FAM117B: variants seen among roughly 807,000 people sequenced by gnomAD.
FAM117B encodes the protein family with sequence similarity 117 member B, also known as protein FAM117B.
FAM117B carries 22 observed loss-of-function variants against 52.8 expected under a neutral mutation model. That is an observed-to-expected ratio of 0.42 (90% CI 0.30 to 0.59). The LOEUF (loss-of-function observed/expected upper bound fraction) is 0.59, where lower values mean the gene tolerates loss of function less well. FAM117B is among the 20% of genes least tolerant of loss of function. FAM117B has a pLI of 0.22. For synonymous variants in FAM117B, 309 were observed against 324.1 expected (o/e 0.95, Z 0.50); for missense variants, 678 against 802.6 (o/e 0.84, Z 1.88).
chr2:202,639,549 T>C (rs981082589), intron 1 of FAM117B, among the ~76,000 whole-genome samples: 1 of 152,212 alleles, frequency 6.6e-6, no homozygotes, highest in African/African-American at 2.4e-5. Context: ...ATTTTACTTA[T>C]TAAAATGTCA....
intron 4 of FAM117B, among the ~76,000 whole-genome samples, chr2:202,727,890 G>A (rs1163611453): frequency 6.6e-6 from 1 of 152,208 alleles, no homozygotes; most frequent in Non-Finnish European, 1.5e-5. Flanking sequence ...GCAATGGAAA[G>A]TATGGGTAAA....
chr2:202,743,608 A>G (rs144148006), intron 4 of FAM117B, among the ~76,000 whole-genome samples: 161 of 145,552 alleles, frequency 1.1e-3, no homozygotes, highest in African/African-American at 3.7e-3. Flanking sequence ...AAGAAACTCA[A>G]TGACATACAA....
rs75456597 is a variant in FAM117B at position 202,766,180 on chromosome 2, A to T, written c.*416A>T. ...TGCAAGAACCATCTTTTCTATGAAAATGACTATTTTATAATATACCAATGT... is the reference window on the plus strand; with the variant it reads ...TGCAAGAACCATCTTTTCTATGAAATTGACTATTTTATAATATACCAATGT... On this transcript the variant is annotated 3_prime_UTR_variant, in exon 8 of 8. Transcript: ENST00000392238. The T allele has an allele frequency of 8.3e-3, 1,316 of 159,348 alleles. 10 individuals are homozygous for T. The highest frequency in any genetic ancestry group is 0.012 in the Non-Finnish European group (905 of 72,636). 9.9% of individuals were successfully genotyped at this position (159,348 alleles called of 1,614,324 possible). A position where few individuals can be genotyped will look rare whatever the true frequency, so the allele number is the denominator to read the frequency against.
At chr2:202,704,753 G>T (rs1040144932) in intron 2 of FAM117B, among the ~76,000 whole-genome samples, 10 of 151,652 alleles carry the variant, frequency 6.6e-5, no homozygotes, top group African/African-American at 2.2e-4. Context: ...CACCATGCCC[G>T]GCTAATATAT....
At chr2:202,730,801 G>A (rs189800870) in intron 4 of FAM117B, among the ~76,000 whole-genome samples, 102 of 152,312 alleles carry the variant, frequency 6.7e-4, no homozygotes, top group African/African-American at 2.3e-3. Flanking sequence ...ACAGCTCTTA[G>A]AAGAAAATGT....
At chr2:202,731,728 C>T (rs933725856) in intron 4 of FAM117B, among the ~76,000 whole-genome samples, 3 of 151,822 alleles carry the variant, frequency 2.0e-5, no homozygotes, top group African/African-American at 7.3e-5. Context: ...CTGCACCCAG[C>T]CTACTTTTTT....
At chr2:202,746,158 A>G (rs1480484541) in intron 4 of FAM117B, among the ~76,000 whole-genome samples, 1 of 152,204 alleles carries the variant, frequency 6.6e-6, no homozygotes, top group Non-Finnish European at 1.5e-5. Context: ...TACACATATC[A>G]GCACATGGAA....
At chr2:202,716,701 G>T (rs1026329273) in intron 2 of FAM117B, among the ~76,000 whole-genome samples, 1 of 151,780 alleles carries the variant, frequency 6.6e-6, no homozygotes, top group Admixed American at 6.6e-5. Flanking sequence ...TATTGTTTTC[G>T]TTTTCTTTTT....
intron 1 of FAM117B, among the ~76,000 whole-genome samples, chr2:202,689,923 CAG>C (rs1389173641): frequency 6.6e-6 from 1 of 152,058 alleles, no homozygotes; most frequent in Non-Finnish European, 1.5e-5. Context: ...GCCTGGGTGA[CAG>C]AGTGAGACCC....
chr2:202,709,966 C>T (rs919533347), intron 2 of FAM117B, among the ~76,000 whole-genome samples: 2 of 152,122 alleles, frequency 1.3e-5, no homozygotes, highest in African/African-American at 2.4e-5. Flanking sequence ...TATGGGCTGT[C>T]TATACTGTCC....
intron 7 of FAM117B, among the ~76,000 whole-genome samples, chr2:202,759,714 C>T (rs201202772): frequency 1.3e-5 from 2 of 151,884 alleles, no homozygotes; most frequent in East Asian, 1.9e-4. Flanking sequence ...CCTACCACCA[C>T]GCCCGGCTAA....
intron 1 of FAM117B, among the ~76,000 whole-genome samples, chr2:202,660,031 T>C (rs1690106855): frequency 6.6e-6 from 1 of 152,138 alleles, no homozygotes; most frequent in African/African-American, 2.4e-5. Flanking sequence ...ATTCTGTTAT[T>C]CAGTCCATTC....
At chr2:202,648,129 T>A (rs944460415) in intron 1 of FAM117B, among the ~76,000 whole-genome samples, 1 of 152,220 alleles carries the variant, frequency 6.6e-6, no homozygotes, top group Admixed American at 6.5e-5. Flanking sequence ...AGCAGTCTTC[T>A]TGCTGTTTGT....
chr2:202,741,245 C>T (rs1040477547), intron 4 of FAM117B, among the ~76,000 whole-genome samples: 4 of 151,472 alleles, frequency 2.6e-5, no homozygotes, highest in African/African-American at 7.3e-5. Context: ...CATGGTGAAA[C>T]GCCATCTCTA....
At chr2:202,661,237 C>G (rs1353035480) in intron 1 of FAM117B, among the ~76,000 whole-genome samples, 1 of 152,154 alleles carries the variant, frequency 6.6e-6, no homozygotes, top group Admixed American at 6.5e-5. Context: ...ATAATTGGTG[C>G]TAGAGATAGA....
rs527780926 is a variant in FAM117B at position 202,660,369 on chromosome 2, A to T, written c.601+24581A>T. ...ATACTCCAAGTGTCATCTTACCTTC[A>T]GTGGGCTGTGGTTCTAATGTCAATT... On this transcript the variant is annotated intron_variant, in intron 1 of 7. Coordinates refer to ENST00000392238, the MANE Select transcript of FAM117B (RefSeq NM_173511.4). Among the ~76,000 whole-genome samples the T allele has an allele frequency of 3.3e-5, 5 of 152,116 alleles. 1 individual carries two copies. The South Asian group carries it at 1.0e-3, about 32-fold the overall frequency.
At chr2:202,691,359 C>T (rs1047407640) in intron 1 of FAM117B, among the ~76,000 whole-genome samples, 7 of 152,040 alleles carry the variant, frequency 4.6e-5, no homozygotes, top group African/African-American at 1.2e-4. Context: ...GTGGAGGTTG[C>T]GGTGAGCTGA....
In FAM117B at chr2:202,635,124, C is replaced by A; in HGVS notation, c.-64C>A. On this transcript the variant is annotated 5_prime_UTR_variant, in exon 1 of 8. Transcript: ENST00000392238. ...CCTGCCCTCCGGCCTCGAGAATCCT[C>A]CCCCTGCAGCCCAACAACAACAAAA... is the stretch of plus-strand genomic sequence containing the variant. 8.0e-7 allele frequency: 1 copy of A among 1,246,084 alleles called. No individual in the cohort carries two copies. Among genetic ancestry groups the A allele is most frequent in the East Asian group, 3.1e-5 (1 of 31,784 alleles). The allele number at this position is 1,246,084 out of a possible 1,614,324, so 77.2% of individuals were successfully genotyped here.
chr2:202,755,397 C>A, intron 4 of FAM117B, 141 bp from the exon 5 acceptor site: 1 of 872,526 alleles, frequency 1.1e-6, no homozygotes, highest in Non-Finnish European at 1.8e-6. Context: ...TGCTAAGGAG[C>A]AGGTTTGGTC....
Sources: gnomAD v4.1 joint callset for allele counts (sites outside exome capture counted in the v4.1 genomes callset) on GRCh38, gnomAD v4.1.1 for gene constraint, MANE v1.5 for transcripts, NCBI Gene and HGNC (gene_info 2026-07-23, HGNC 2026-07-21) for gene names.